XNDC1N: variants seen among roughly 807,000 people sequenced by gnomAD.
The protein encoded by XNDC1N is XRCC1 N-terminal domain containing 1, N-terminal like.
chr11:71,881,806 CA>C, the XNDC1N span, among the ~76,000 whole-genome samples: 1 of 151,566 alleles, frequency 6.6e-6, no homozygotes, highest in Non-Finnish European at 1.5e-5. Context: ...TAGCAACTTC[CA>C]AAACTTAAAA....
the XNDC1N span, chr11:71,878,558 A>T: frequency 1.3e-6 from 2 of 1,578,106 alleles, no homozygotes; most frequent in Non-Finnish European, 1.7e-6. Context: ...TATAAGTAAA[A>T]GAAAATGCAA....
chr11:71,895,618 C>T, the XNDC1N span, among the ~76,000 whole-genome samples: 1 of 152,186 alleles, frequency 6.6e-6, no homozygotes, highest in Non-Finnish European at 1.5e-5. Flanking sequence ...TGCGCGACCG[C>T]GCCCAGCCAC....
chr11:71,922,499 C>T, the XNDC1N span, among the ~76,000 whole-genome samples: 1 of 152,080 alleles, frequency 6.6e-6, no homozygotes, highest in Non-Finnish European at 1.5e-5. Context: ...AATGGGATCT[C>T]CCTGTGTTGC....
chr11:71,895,475 A>AT, the XNDC1N span, among the ~76,000 whole-genome samples: 2,300 of 98,364 alleles, frequency 0.023, 69 homozygotes, highest in Non-Finnish European at 0.029. Context: ...ATGCCTGGCT[A>AT]TTTTTTTTTT....
At chr11:71,894,742 A>G in the XNDC1N span, among the ~76,000 whole-genome samples, 8 of 152,230 alleles carry the variant, frequency 5.3e-5, no homozygotes, top group Non-Finnish European at 1.0e-4. Context: ...CTGAAAACTG[A>G]CTTTATGGAA....
chr11:71,911,833 CGCGCT>C, the XNDC1N span, among the ~76,000 whole-genome samples: 1 of 152,124 alleles, frequency 6.6e-6, no homozygotes, highest in African/African-American at 2.4e-5. Context: ...GGGGAATTCC[CGCGCT>C]GACTCAGAGG....
At chr11:71,904,173 AG>A in the XNDC1N span, 6 of 430,756 alleles carry the variant, frequency 1.4e-5, no homozygotes, top group Non-Finnish European at 9.3e-6. Context: ...GGGTTAAAAA[AG>A]GCAGCAAGGT....
At chr11:71,927,914 AC>A in the XNDC1N span, 1 of 152,550 alleles carries the variant, frequency 6.6e-6, no homozygotes, top group African/African-American at 2.4e-5. Flanking sequence ...TGTAAAGCTG[AC>A]TTTTCTAGAC....
At chr11:71,888,307 T>A in the XNDC1N span, among the ~76,000 whole-genome samples, 1 of 152,160 alleles carries the variant, frequency 6.6e-6, no homozygotes, top group East Asian at 1.9e-4. Flanking sequence ...GCCTAAGAGC[T>A]GAAGGCAGGT....
the XNDC1N span, among the ~76,000 whole-genome samples, chr11:71,884,123 C>T: frequency 6.6e-6 from 1 of 152,142 alleles, no homozygotes; most frequent in Non-Finnish European, 1.5e-5. Flanking sequence ...TCTACACCAC[C>T]CCCAAGCTGG....
the XNDC1N span, among the ~76,000 whole-genome samples, chr11:71,876,661 GA>G: frequency 2.0e-5 from 3 of 152,206 alleles, no homozygotes; most frequent in African/African-American, 7.2e-5. Flanking sequence ...AATGTTCATA[GA>G]AAATATCAAG....
At chr11:71,921,434 G>A in the XNDC1N span, among the ~76,000 whole-genome samples, 7 of 152,012 alleles carry the variant, frequency 4.6e-5, no homozygotes, top group South Asian at 4.2e-4. Context: ...GTAAGCCACC[G>A]CACCTGGCTA....
the XNDC1N span, among the ~76,000 whole-genome samples, chr11:71,891,264 G>A: frequency 6.6e-6 from 1 of 151,652 alleles, no homozygotes; most frequent in Non-Finnish European, 1.5e-5. Flanking sequence ...GTGGATATTA[G>A]GAAGAGGATC....
the XNDC1N span, among the ~76,000 whole-genome samples, chr11:71,905,911 G>A: frequency 6.6e-6 from 1 of 151,986 alleles, no homozygotes; most frequent in Non-Finnish European, 1.5e-5. Flanking sequence ...CTCTCTATCA[G>A]ATTGCAAATA....
At chr11:71,870,671 C>A in the XNDC1N span, among the ~76,000 whole-genome samples, 4 of 152,104 alleles carry the variant, frequency 2.6e-5, no homozygotes, top group African/African-American at 4.8e-5. Flanking sequence ...ATAAGGATCT[C>A]AAACAACTCT....
chr11:71,886,569 A>G, the XNDC1N span, among the ~76,000 whole-genome samples: 26 of 151,580 alleles, frequency 1.7e-4, no homozygotes, highest in African/African-American at 1.5e-4. Flanking sequence ...AGAAAGTCCA[A>G]CACAATTCTA....
the XNDC1N span, among the ~76,000 whole-genome samples, chr11:71,866,380 T>A: frequency 2.0e-5 from 3 of 152,160 alleles, no homozygotes; most frequent in African/African-American, 7.2e-5. Flanking sequence ...GAAGGCCATG[T>A]TTACTGTATA....
the XNDC1N span, chr11:71,927,870 T>C: frequency 1.3e-5 from 2 of 152,488 alleles, no homozygotes; most frequent in African/African-American, 4.8e-5. Flanking sequence ...GTGGATGATG[T>C]AGATAATTCC....
chr11:71,870,173 A>G, the XNDC1N span, among the ~76,000 whole-genome samples: 28,570 of 152,104 alleles, frequency 0.19, 4,907 homozygotes, highest in African/African-American at 0.45. Flanking sequence ...TGCCCTTGAC[A>G]CATGGGGATT....
Sources: allele counts gnomAD v4.1 joint callset (sites outside exome capture counted in the v4.1 genomes callset), GRCh38; gene constraint gnomAD v4.1.1; transcripts MANE v1.5; gene names NCBI Gene and HGNC (gene_info 2026-07-23, HGNC 2026-07-21).